Variants in TG observed in about 807,000 individuals in gnomAD.
TG encodes thyroglobulin.
A neutral mutation model predicts 324.7 loss-of-function variants in TG; 270 were observed. That is an observed-to-expected ratio of 0.83 (90% CI 0.75 to 0.92). TG has a LOEUF of 0.92. Among genes scored for constraint, TG ranks in the 40% least tolerant of loss-of-function variants. The pLI, the probability that TG is intolerant of heterozygous loss-of-function variation, is 0.00. For missense variants in TG, 3,591 were observed against 3,456.4 expected (o/e 1.04, Z -0.98); for synonymous variants, 1,401 against 1,327.0 (o/e 1.06, Z -1.21).
intron 41 of TG, chr8:133,038,110 C>G (rs569991777): frequency 1.1e-5 from 2 of 178,564 alleles, no homozygotes; most frequent in African/African-American, 4.8e-5. Flanking sequence ...TTTGTTTCCT[C>G]TCCCTCTCAG....
intron 25 of TG, among the ~76,000 whole-genome samples, chr8:132,939,960 G>C (rs1348681435): frequency 6.6e-6 from 1 of 152,152 alleles, no homozygotes; most frequent in Non-Finnish European, 1.5e-5. Context: ...ACAGGCATGA[G>C]CCACCATGCC....
At chr8:132,972,222 T>C in intron 33 of TG, 1 of 449,050 alleles carries the variant, frequency 2.2e-6, no homozygotes, top group South Asian at 2.2e-5. Context: ...CCCTTACTAG[T>C]GTGTGATTCT....
intron 41 of TG, chr8:133,059,995 C>A (rs1842130231): frequency 3.6e-6 from 4 of 1,123,050 alleles, no homozygotes; most frequent in East Asian, 2.6e-5. Context: ...CCCTTCGGTA[C>A]CCATTGCCCC....
rs765314621 is a variant in TG at position 133,038,561 on chromosome 8, C to T, written c.7239+8538C>T. Reference sequence around the variant, plus strand: ...GTAAGGTGGTGATGAGAAGAATGAGCTCTTTCTCTTGCTGCCACCATACAT... The same window carrying T: ...GTAAGGTGGTGATGAGAAGAATGAGTTCTTTCTCTTGCTGCCACCATACAT... On this transcript the variant is annotated intron_variant, in intron 41 of 47. Coordinates refer to ENST00000220616, the MANE Select transcript of TG (RefSeq NM_003235.5). 28 of 1,613,904 alleles carry T rather than the reference C, an allele frequency of 1.7e-5. No individual in the cohort carries two copies. In the Middle Eastern group the frequency reaches 1.2e-3, roughly 66 times the overall value.
chr8:132,950,666 G>C (rs1825981445), intron 27 of TG, among the ~76,000 whole-genome samples: 1 of 152,208 alleles, frequency 6.6e-6, no homozygotes, highest in Non-Finnish European at 1.5e-5. Context: ...TGTCTGTGAT[G>C]TTAAATCCTA....
Position 133,095,151 on chromosome 8 carries a change from AGTG to A in TG, c.7351_7353del (p.Val2451del). On this transcript the variant is annotated inframe_deletion, in exon 42 of 48. Coordinates refer to ENST00000220616, the MANE Select transcript of TG (RefSeq NM_003235.5). ...GTTGCCCCATGTCATCCAGCCAAGAAGTGGTGTCCTGCCTCCGCCAGAAGCCTG... is the reference window on the plus strand; with the variant it reads ...GTTGCCCCATGTCATCCAGCCAAGAAGTGTCCTGCCTCCGCCAGAAGCCTG... The A allele has an allele frequency of 6.2e-7, 1 of 1,614,242 alleles. No individual in the cohort carries two copies. The highest frequency in any genetic ancestry group is 8.5e-7 in the Non-Finnish European group (1 of 1,180,040).
chr8:132,958,565 A>G (rs924187224), intron 27 of TG, among the ~76,000 whole-genome samples: 1 of 152,126 alleles, frequency 6.6e-6, no homozygotes, highest in Non-Finnish European at 1.5e-5. Flanking sequence ...TAAAAATACA[A>G]AAATTAGCCA....
chr8:132,970,234 G>C (rs1587629751), intron 32 of TG, among the ~76,000 whole-genome samples: 1 of 151,956 alleles, frequency 6.6e-6, no homozygotes, highest in Non-Finnish European at 1.5e-5. Flanking sequence ...TTTATTTTAT[G>C]ATTGATTTAT....
At chr8:132,908,078 G>A in intron 17 of TG, 108 bp from the exon 18 acceptor site, 7 of 1,291,872 alleles carry the variant, frequency 5.4e-6, no homozygotes, top group Non-Finnish European at 7.7e-6. Flanking sequence ...CAGTGCTTAT[G>A]TGTTTTGAGC....
intron 34 of TG, among the ~76,000 whole-genome samples, chr8:132,976,310 T>C (rs1830166786): frequency 6.6e-6 from 1 of 152,100 alleles, no homozygotes; most frequent in Non-Finnish European, 1.5e-5. Flanking sequence ...CATCATTCCA[T>C]GGGGAAAGGT....
intron 35 of TG, among the ~76,000 whole-genome samples, chr8:132,992,501 GA>G (rs1247754979): frequency 6.6e-6 from 1 of 152,180 alleles, no homozygotes; most frequent in African/African-American, 2.4e-5. Flanking sequence ...CACCTAATAG[GA>G]AGAAGACAGT....
chr8:133,038,534 A>G, intron 41 of TG: 1 of 1,611,574 alleles, frequency 6.2e-7, no homozygotes, highest in South Asian at 1.1e-5. Context: ...CTAGTCCTCA[A>G]AGTAAGGTGG....
rs144610894 is a variant in TG at position 132,988,146 on chromosome 8, C to T, written c.6262+4734C>T. On this transcript the variant is annotated intron_variant, in intron 35 of 47. Coordinates refer to ENST00000220616, the MANE Select transcript of TG (RefSeq NM_003235.5). The stretch of plus-strand genomic sequence containing the variant: ...TTAGGTCTCCAGACAAGTCTAGACT[C>T]GAAAGTCCATCTGCACAGTGGAACT... 2.0e-3 allele frequency among the ~76,000 whole-genome samples: 302 copies of T among 151,654 alleles called. 2 individuals are homozygous for T. The highest frequency in any genetic ancestry group is 6.9e-3 in the African/African-American group (285 of 41,300).
intron 13 of TG, 126 bp downstream of exon 13, chr8:132,898,372 C>A: frequency 1.1e-6 from 1 of 935,650 alleles, no homozygotes; most frequent in Non-Finnish European, 1.7e-6. Flanking sequence ...CCGGGTGCAG[C>A]CAGACGCATT....
At chr8:132,980,600 G>T (rs1374735872) in intron 34 of TG, among the ~76,000 whole-genome samples, 1 of 152,164 alleles carries the variant, frequency 6.6e-6, no homozygotes. Context: ...AGGAGGTCAT[G>T]GAGACCCCCA....
intron 20 of TG, among the ~76,000 whole-genome samples, chr8:132,914,445 C>A (rs1306712974): frequency 6.6e-6 from 1 of 152,168 alleles, no homozygotes; most frequent in African/African-American, 2.4e-5. Flanking sequence ...TTGTAAACTC[C>A]ACGTTGGATT....
At chr8:133,024,968 A>G (rs1221586162) in intron 40 of TG, among the ~76,000 whole-genome samples, 2 of 152,234 alleles carry the variant, frequency 1.3e-5, no homozygotes, top group Non-Finnish European at 2.9e-5. Flanking sequence ...TACTGGGTAT[A>G]TACCCACAGG....
At chr8:133,047,968 A>T in intron 41 of TG, 1 of 1,343,162 alleles carries the variant, frequency 7.4e-7, no homozygotes, top group Non-Finnish European at 1.1e-6. Context: ...AGGATCCGGA[A>T]CAAGCCCTCC....
chr8:132,936,332 A>C (rs1275632272), intron 25 of TG, among the ~76,000 whole-genome samples: 1 of 152,112 alleles, frequency 6.6e-6, no homozygotes, highest in African/African-American at 2.4e-5. Context: ...TTTCTGATTC[A>C]TAGAGCTTCT....
Sources: gnomAD v4.1 joint callset for allele counts (sites outside exome capture counted in the v4.1 genomes callset) on GRCh38, gnomAD v4.1.1 for gene constraint, MANE v1.5 for transcripts, NCBI Gene and HGNC (gene_info 2026-07-23, HGNC 2026-07-21) for gene names.